The following AGBL1 variants were observed in gnomAD, a reference collection of about 807,000 sequenced individuals.
AGBL1 encodes cytosolic carboxypeptidase 4.
In AGBL1, 130 loss-of-function variants were observed where a neutral mutation model predicts 118.9. That is an observed-to-expected ratio of 1.09 (90% CI 0.95 to 1.26). The LOEUF is 1.26. Ranked by LOEUF, AGBL1 falls within the 50% of genes most tolerant of loss-of-function variation. The pLI, the probability that AGBL1 is intolerant of heterozygous loss-of-function variation, is 0.00. For missense variants in AGBL1, 1,584 were observed against 1,298.1 expected (o/e 1.22, Z -3.38); for synonymous variants, 555 against 478.9 (o/e 1.16, Z -2.08).
intron 1 of AGBL1, among the ~76,000 whole-genome samples, chr15:86,083,989 A>G (rs2141439474): frequency 6.6e-6 from 1 of 152,322 alleles, no homozygotes; most frequent in Non-Finnish European, 1.5e-5. Flanking sequence ...GTTCCCTAGG[A>G]AGTTTGAGGC....
Position 86,315,683 on chromosome 15 carries a change from A to G in AGBL1, c.2374+20275A>G, listed in dbSNP as rs529403982. Among the ~76,000 whole-genome samples the G allele has an allele frequency of 8.3e-4, 123 of 147,618 alleles. 3 individuals carry two copies. The South Asian group carries it at 0.025, about 30-fold the overall frequency. On this transcript the variant is annotated intron_variant, in intron 17 of 22. Transcript: ENST00000614907. ...CAGTGAGCTGAGATCACACCACCGCACTCCAGCCTGGGTGACAGAGTGAGA... is the reference window on the plus strand; with the variant it reads ...CAGTGAGCTGAGATCACACCACCGCGCTCCAGCCTGGGTGACAGAGTGAGA...
intron 21 of AGBL1, among the ~76,000 whole-genome samples, chr15:86,626,735 T>C (rs1411857011): frequency 2.0e-5 from 3 of 152,108 alleles, no homozygotes; most frequent in African/African-American, 4.8e-5. Context: ...GGACATAGGA[T>C]TGGAAAAGTT....
chr15:86,804,997 T>A (rs895005260), intron 22 of AGBL1, among the ~76,000 whole-genome samples: 1 of 151,858 alleles, frequency 6.6e-6, no homozygotes, highest in Non-Finnish European at 1.5e-5. Context: ...GTGAGCAGGG[T>A]CCCGTGGGAA....
intron 5 of AGBL1, among the ~76,000 whole-genome samples, chr15:86,194,532 G>A (rs1198726986): frequency 6.6e-6 from 1 of 152,196 alleles, no homozygotes; most frequent in Non-Finnish European, 1.5e-5. Context: ...TAGAAGTAGA[G>A]CATTCTGGAA....
At chr15:86,694,079 C>T (rs2142616167) in intron 22 of AGBL1, among the ~76,000 whole-genome samples, 1 of 152,092 alleles carries the variant, frequency 6.6e-6, no homozygotes, top group Non-Finnish European at 1.5e-5. Flanking sequence ...GCTATGCAGG[C>T]TCTTTTTTGG....
intron 22 of AGBL1, among the ~76,000 whole-genome samples, chr15:86,729,738 G>A (rs923557939): frequency 6.6e-6 from 1 of 152,152 alleles, no homozygotes; most frequent in Non-Finnish European, 1.5e-5. Context: ...ATGAACATAT[G>A]AGTGCATGTG....
chr15:86,171,313 T>C (rs1188712185), intron 5 of AGBL1, among the ~76,000 whole-genome samples: 1 of 152,140 alleles, frequency 6.6e-6, no homozygotes, highest in Non-Finnish European at 1.5e-5. Flanking sequence ...CAATGTAGTC[T>C]GGAGTTTATA....
chr15:86,851,919 G>A (rs552055396), intron 22 of AGBL1, among the ~76,000 whole-genome samples: 2 of 152,264 alleles, frequency 1.3e-5, no homozygotes, highest in South Asian at 4.2e-4. Flanking sequence ...TGCAGCAGTG[G>A]CAGGTTTTTA....
At chr15:86,938,561 T>G (rs1365214006) in intron 23 of AGBL1, among the ~76,000 whole-genome samples, 1 of 152,208 alleles carries the variant, frequency 6.6e-6, no homozygotes, top group East Asian at 1.9e-4. Context: ...CTGTTCCATC[T>G]GCTTGGAGGG....
At chr15:86,471,740 G>T (rs573930333) in intron 18 of AGBL1, among the ~76,000 whole-genome samples, 65 of 152,228 alleles carry the variant, frequency 4.3e-4, no homozygotes, top group African/African-American at 1.6e-3. Context: ...GTGCACTAAT[G>T]TGAAAAATAG....
intron 21 of AGBL1, chr15:86,556,336 G>A: frequency 1.4e-6 from 2 of 1,476,082 alleles, no homozygotes; most frequent in South Asian, 2.3e-5. Flanking sequence ...CTTTTGCATT[G>A]GGTCACTAGA....
At chr15:86,402,857 A>T (rs1326030778) in intron 18 of AGBL1, among the ~76,000 whole-genome samples, 1 of 152,094 alleles carries the variant, frequency 6.6e-6, no homozygotes, top group Non-Finnish European at 1.5e-5. Context: ...AGGGAAAGAA[A>T]ATACAAAGAT....
chr15:87,025,518 A>G (rs1189528697), intron 24 of AGBL1, among the ~76,000 whole-genome samples: 1 of 152,080 alleles, frequency 6.6e-6, no homozygotes, highest in Non-Finnish European at 1.5e-5. Flanking sequence ...ACAAATGGAA[A>G]CACATCCCAT....
At chr15:86,878,801 C>T (rs2079850510) in intron 22 of AGBL1, among the ~76,000 whole-genome samples, 1 of 152,226 alleles carries the variant, frequency 6.6e-6, no homozygotes. Flanking sequence ...TTCCTGAATG[C>T]CTGGTCTTCC....
rs557975224 is a variant in AGBL1, at chr15:86,539,701, T to C, written c.2686-6301T>C. Among the ~76,000 whole-genome samples the C allele has an allele frequency of 3.8e-4, 58 of 152,346 alleles. No homozygotes were observed. In the South Asian group the frequency reaches 0.011, roughly 29 times the overall value. The stretch of plus-strand genomic sequence containing the variant: ...TCCTTCTTGCTGTTTTGTCATTTGC[T>C]TGGATAGCTCTCACTCAGTAAGGTT... On this transcript the variant is annotated intron_variant, in intron 19 of 22. Coordinates refer to ENST00000614907, the MANE Select transcript of AGBL1 (RefSeq NM_001386094.1).
intron 19 of AGBL1, among the ~76,000 whole-genome samples, chr15:86,523,855 A>C (rs1390330073): frequency 6.6e-6 from 1 of 152,250 alleles, no homozygotes; most frequent in Non-Finnish European, 1.5e-5. Context: ...ATGGCAGCCA[A>C]GTAACCATAT....
intron 1 of AGBL1, among the ~76,000 whole-genome samples, chr15:86,091,735 T>TA (rs1896041347): frequency 6.6e-6 from 1 of 152,152 alleles, no homozygotes; most frequent in East Asian, 1.9e-4. Flanking sequence ...ATGAAGCTCT[T>TA]AAAGGTCAGA....
At chr15:86,969,925 T>A (rs2081090420) in intron 23 of AGBL1, among the ~76,000 whole-genome samples, 1 of 151,898 alleles carries the variant, frequency 6.6e-6, no homozygotes, top group Non-Finnish European at 1.5e-5. Context: ...AAAATAGAGT[T>A]ACTTGGACTC....
chr15:86,858,540 T>TCATC (rs1217006660), intron 22 of AGBL1, among the ~76,000 whole-genome samples: 1 of 151,704 alleles, frequency 6.6e-6, no homozygotes, highest in African/African-American at 2.4e-5. Context: ...TAATTATCAT[T>TCATC]CATCCATTCA....
Sources: gnomAD v4.1 joint callset for allele counts (sites outside exome capture counted in the v4.1 genomes callset) on GRCh38, gnomAD v4.1.1 for gene constraint, MANE v1.5 for transcripts, NCBI Gene and HGNC (gene_info 2026-07-23, HGNC 2026-07-21) for gene names.